The following RYR3 variants were observed in gnomAD, a reference collection of about 807,000 sequenced individuals.
RYR3 encodes brain ryanodine receptor-calcium release channel.
In RYR3, 207 loss-of-function variants were observed where a neutral mutation model predicts 584.3. The ratio of observed to expected loss-of-function variants is 0.35; its 90% CI spans 0.32 to 0.40. The LOEUF (loss-of-function observed/expected upper bound fraction) is 0.40, where lower values mean the gene tolerates loss of function less well. RYR3 is among the 10% of genes least tolerant of loss of function. The pLI, the probability that RYR3 is intolerant of heterozygous loss-of-function variation, is 1.00. For synonymous variants in RYR3, 2,416 were observed against 2,248.5 expected (o/e 1.07, Z -2.11); for missense variants, 5,616 against 6,089.2 (o/e 0.92, Z 2.59).
At chr15:33,658,420 C>T (rs993614564) in intron 32 of RYR3, among the ~76,000 whole-genome samples, 4 of 152,210 alleles carry the variant, frequency 2.6e-5, no homozygotes, top group African/African-American at 9.6e-5. Flanking sequence ...CTCTCCAGTC[C>T]ACCAAGATGA....
intron 1 of RYR3, among the ~76,000 whole-genome samples, chr15:33,362,400 A>G (rs894802293): frequency 2.0e-5 from 3 of 151,976 alleles, no homozygotes; most frequent in East Asian, 1.9e-4. Context: ...GTCTGTCGTC[A>G]TCATCATCAT....
At chr15:33,786,008 C>T (rs1218933709) in intron 66 of RYR3, 26 bp downstream of exon 66, 3 of 1,498,308 alleles carry the variant, frequency 2.0e-6, no homozygotes, top group Non-Finnish European at 2.7e-6. Flanking sequence ...TCCCCAGTCC[C>T]CAGCCCAGGG....
At chr15:33,865,007 C>T (rs1055246042) in intron 103 of RYR3, 124 bp from the exon 104 acceptor site, 10 of 647,110 alleles carry the variant, frequency 1.5e-5, no homozygotes, top group Non-Finnish European at 2.7e-5. Flanking sequence ...AATGAATGTG[C>T]AGGTTTGGCC....
In RYR3 at chr15:33,662,633, G is replaced by GGCAGT. The variant is rs1336127383; in HGVS notation, c.5113_5117dup (p.Gly1707AlafsTer10). ...CGAAGGCTCTGAGTATGCTGACAGA[G>GGCAGT]GCAGTGCAGTGCAGCGGGGCCCACA... On this transcript the variant is annotated frameshift_variant, in exon 35 of 104. Transcript: ENST00000634891. LOFTEE classifies it high-confidence loss of function. The GGCAGT allele has an allele frequency of 6.2e-7, 1 of 1,614,052 alleles. No homozygotes were observed.
intron 60 of RYR3, among the ~76,000 whole-genome samples, chr15:33,761,685 G>A (rs934802614): frequency 5.9e-5 from 9 of 152,154 alleles, no homozygotes; most frequent in African/African-American, 1.9e-4. Context: ...ACAAAGAGGA[G>A]CTGGTACCAT....
At position 33,728,885 on chromosome 15, in the gene RYR3, G is replaced by T. The variant is rs74005974; in HGVS notation, c.7062G>T (p.Ala2354=). The T allele has an allele frequency of 6.2e-7, 1 of 1,612,642 alleles. No individual in the cohort carries two copies. The highest frequency in any genetic ancestry group is 8.5e-7 in the Non-Finnish European group (1 of 1,179,530). ...KDGSVSEPDM[A]ANFCPDHKAP... ...GGTCGGTCAGTGAGCCAGATATGGC[G>T]GCCAATTTCTGCCCTGACCACAAGG... The change falls in exon 47 of 104, where the codon GCG becomes GCT. Residue 2354 remains alanine (A), a synonymous_variant. Coordinates refer to ENST00000634891, the MANE Select transcript of RYR3 (RefSeq NM_001036.6).
rs1374798672 is a variant in RYR3 at position 33,861,123 on chromosome 15, A to C, written c.14410A>C (p.Thr4804Pro). ...CGIGNDYFDT[T>P]PHGFETHTLQ... ...GATTGGCAATGACTACTTTGACACAACCCCTCATGGTTTTGAAACACATAC... is the reference window on the plus strand; with the variant it reads ...GATTGGCAATGACTACTTTGACACACCCCCTCATGGTTTTGAAACACATAC... Residue 4804 changes from threonine (T) to proline (P), a missense_variant, in exon 102 of 104, where the codon ACC becomes CCC. Coordinates refer to ENST00000634891, the MANE Select transcript of RYR3 (RefSeq NM_001036.6). 2 of 1,597,854 alleles carry C rather than the reference A, an allele frequency of 1.3e-6. No homozygotes were observed. Among genetic ancestry groups the C allele is most frequent in the East Asian group, 4.5e-5 (2 of 44,624 alleles).
intron 1 of RYR3, among the ~76,000 whole-genome samples, chr15:33,312,779 T>C (rs925716943): frequency 6.6e-6 from 1 of 152,194 alleles, no homozygotes; most frequent in African/African-American, 2.4e-5. Flanking sequence ...AAGGTGGTAG[T>C]TGTTGTGAGA....
At chr15:33,733,164 GTC>G (rs1172018336) in intron 48 of RYR3, among the ~76,000 whole-genome samples, 1 of 152,220 alleles carries the variant, frequency 6.6e-6, no homozygotes, top group African/African-American at 2.4e-5. Context: ...CAATGGTATA[GTC>G]ACTTTGGAAA....
rs368098859 is a variant in RYR3 at position 33,860,355 on chromosome 15, G to C, written c.14300-240G>C. Among the ~76,000 whole-genome samples the C allele has an allele frequency of 3.9e-4, 59 of 152,304 alleles. 1 individual carries two copies. The South Asian group carries it at 0.011, about 28-fold the overall frequency. On this transcript the variant is annotated intron_variant, in intron 100 of 103. Coordinates refer to ENST00000634891, the MANE Select transcript of RYR3 (RefSeq NM_001036.6). ...CAACCAGGGAGAAGTAGAAAGGAAA[G>C]AGTTTCAGGGAGGAGCAAGTAGTTA...
chr15:33,635,852 C>T, intron 26 of RYR3, 33 bp downstream of exon 26: 1 of 1,566,674 alleles, frequency 6.4e-7, no homozygotes, highest in Non-Finnish European at 8.7e-7. Flanking sequence ...CACCCATCCT[C>T]AGACCAAGTT....
At chr15:33,500,079 T>G (rs146064818) in intron 2 of RYR3, among the ~76,000 whole-genome samples, 4 of 152,192 alleles carry the variant, frequency 2.6e-5, no homozygotes, top group African/African-American at 9.7e-5. Context: ...AAGACTTGAG[T>G]TGGGTGCTTA....
At chr15:33,573,002 A>T (rs1051065630) in intron 12 of RYR3, among the ~76,000 whole-genome samples, 4 of 151,704 alleles carry the variant, frequency 2.6e-5, no homozygotes, top group Admixed American at 2.0e-4. Flanking sequence ...TAAAAATAAG[A>T]TAAAATAAAT....
intron 103 of RYR3, 61 bp downstream of exon 103, chr15:33,864,250 G>GTAGGGCA: frequency 7.6e-7 from 1 of 1,310,478 alleles, no homozygotes; most frequent in Non-Finnish European, 1.1e-6. Context: ...TTGAGACTTA[G>GTAGGGCA]TAGGGCATAG....
intron 19 of RYR3, among the ~76,000 whole-genome samples, chr15:33,617,156 C>A (rs62010503): frequency 6.6e-6 from 1 of 151,936 alleles, no homozygotes; most frequent in South Asian, 2.1e-4. Context: ...GGCTCACGCC[C>A]GTAATCTCAG....
intron 10 of RYR3, among the ~76,000 whole-genome samples, chr15:33,556,263 A>G (rs147706502): frequency 5.3e-5 from 8 of 152,272 alleles, no homozygotes; most frequent in Admixed American, 4.6e-4. Flanking sequence ...TCCATTCCAC[A>G]TATCATCCTA....
intron 9 of RYR3, among the ~76,000 whole-genome samples, chr15:33,549,948 T>C (rs1027915769): frequency 4.6e-5 from 7 of 152,204 alleles, no homozygotes; most frequent in African/African-American, 7.2e-5. Context: ...TTCAAGATCA[T>C]TCCTTGTTGA....
At chr15:33,828,913 ATAGT>A (rs1321127495) in intron 85 of RYR3, among the ~76,000 whole-genome samples, 1 of 150,836 alleles carries the variant, frequency 6.6e-6, no homozygotes, top group African/African-American at 2.4e-5. Context: ...TAGGACTTTC[ATAGT>A]TAGAGAGGAC....
intron 1 of RYR3, among the ~76,000 whole-genome samples, chr15:33,336,052 TG>T (rs1567045186): frequency 6.6e-6 from 1 of 152,174 alleles, no homozygotes; most frequent in Admixed American, 6.5e-5. Context: ...CTTTTTAGCC[TG>T]GGTCCTCCAA....
Sources: gnomAD v4.1 joint callset for allele counts (sites outside exome capture counted in the v4.1 genomes callset) on GRCh38, gnomAD v4.1.1 for gene constraint, MANE v1.5 for transcripts, NCBI Gene and HGNC (gene_info 2026-07-23, HGNC 2026-07-21) for gene names.